HIPK2: variants seen among roughly 807,000 people sequenced by gnomAD.
The protein encoded by HIPK2 is homeodomain interacting protein kinase 2.
Under a neutral mutation model 113.7 loss-of-function variants are expected in HIPK2, and 27 were observed. That is an observed-to-expected ratio of 0.24 (90% CI 0.17 to 0.33). HIPK2 has a LOEUF of 0.33. Among genes scored for constraint, HIPK2 ranks in the 10% least tolerant of loss-of-function variants. HIPK2 has a pLI of 1.00. For missense variants in HIPK2, 1,257 were observed against 1,588.0 expected, an observed-to-expected ratio of 0.79 and a Z score of 3.54; for synonymous variants, 631 against 642.2, an observed-to-expected ratio of 0.98 and a Z score of 0.26.
intron 1 of HIPK2, among the ~76,000 whole-genome samples, chr7:139,731,860 T>C (rs1005477988): frequency 2.6e-5 from 4 of 152,216 alleles, no homozygotes; most frequent in African/African-American, 7.2e-5. Context: ...CCTTGGAGAA[T>C]TGTTTCATTC....
intron 10 of HIPK2, among the ~76,000 whole-genome samples, chr7:139,601,441 C>T (rs1203689341): frequency 6.6e-6 from 1 of 152,152 alleles, no homozygotes; most frequent in African/African-American, 2.4e-5. Flanking sequence ...GAGCCATATG[C>T]TTCTGGTGTT....
rs1796818389 is a variant in HIPK2 at position 139,777,866 on chromosome 7, G to GGGCTCGA, written c.-244_-243insTCGAGCC. 6.8e-6 allele frequency: 1 copy of GGGCTCGA among 146,994 alleles called. No homozygotes were observed. The highest frequency in any genetic ancestry group is 2.5e-5 in the African/African-American group (1 of 40,288). 9.1% of individuals were successfully genotyped at this position (146,994 alleles called of 1,614,324 possible). A position where few individuals can be genotyped will look rare whatever the true frequency, so the allele number is the denominator to read the frequency against. Reference sequence around the variant, plus strand: ...CCCGGCGCGGGGGGCTCGGGGCTCGGGGCTCGGGGCGGCCGGGCGGGCGGA... The same window carrying GGGCTCGA: ...CCCGGCGCGGGGGGCTCGGGGCTCGGGGCTCGAGGCTCGGGGCGGCCGGGCGGGCGGA... On this transcript the variant is annotated 5_prime_UTR_variant, in exon 1 of 15. Coordinates refer to ENST00000406875, the MANE Select transcript of HIPK2 (RefSeq NM_022740.5).
At chr7:139,637,502 C>G (rs1168275354) in intron 2 of HIPK2, among the ~76,000 whole-genome samples, 1 of 152,216 alleles carries the variant, frequency 6.6e-6, no homozygotes, top group African/African-American at 2.4e-5. Flanking sequence ...TCCCTGCTGG[C>G]TGTCACATGG....
chr7:139,773,121 T>C (rs1796680817), intron 1 of HIPK2, among the ~76,000 whole-genome samples: 2 of 152,118 alleles, frequency 1.3e-5, no homozygotes, highest in South Asian at 4.2e-4. Flanking sequence ...GCATAAATGT[T>C]TGCTGAATGA....
chr7:139,729,001 T>C lies in HIPK2; in HGVS notation c.20-11986A>G, dbSNP rs142212672. On this transcript the variant is annotated intron_variant, in intron 1 of 14. Transcript: ENST00000406875. ...TATAGGAATGTATCTCTCAATCTAC[T>C]GAGGAGCAACTGTAGTCACTTTGGT... Among the ~76,000 whole-genome samples the C allele has an allele frequency of 2.0e-5, 3 of 152,180 alleles. No homozygotes were observed. The East Asian group carries it at 5.8e-4, about 29-fold the overall frequency.
intron 9 of HIPK2, 124 bp from the exon 10 acceptor site, chr7:139,604,347 C>A: frequency 7.2e-7 from 1 of 1,388,862 alleles, no homozygotes; most frequent in Admixed American, 2.3e-5. Flanking sequence ...GAGTGAGGGC[C>A]TGGTCTCTGG....
At chr7:139,718,110 C>T (rs1011870658) in intron 1 of HIPK2, among the ~76,000 whole-genome samples, 4 of 152,036 alleles carry the variant, frequency 2.6e-5, no homozygotes, top group South Asian at 2.1e-4. Context: ...CCTATGAGAC[C>T]GTTATTCTGG....
chr7:139,579,341 T>C (rs1483749360), intron 13 of HIPK2, among the ~76,000 whole-genome samples: 2 of 152,192 alleles, frequency 1.3e-5, no homozygotes, highest in Non-Finnish European at 2.9e-5. Flanking sequence ...GGCCTGAGCA[T>C]CTTAGGTGAA....
At chr7:139,649,137 T>C (rs1396871845) in intron 2 of HIPK2, among the ~76,000 whole-genome samples, 1 of 152,054 alleles carries the variant, frequency 6.6e-6, no homozygotes, top group Non-Finnish European at 1.5e-5. Flanking sequence ...GCAGCCTCAT[T>C]TCTCAGTTCT....
chr7:139,620,503 C>G lies in HIPK2; in HGVS notation c.1680G>C (p.Thr560=), dbSNP rs368693856. The G allele has an allele frequency of 6.6e-5, 106 of 1,613,960 alleles. No individual in the cohort carries two copies. Among genetic ancestry groups the G allele is most frequent in the Non-Finnish European group, 8.6e-5 (102 of 1,180,038 alleles). ...TGAAAGGGGTTTTGCTCTGGTTCAC[C>G]GTGTCATACATATTCACCCGACGCT... ...ICKRRVNMYD[T]VNQSKTPFIT... Residue 560 remains threonine, a synonymous_variant, in exon 7 of 15, where the codon ACG becomes ACC. Coordinates refer to ENST00000406875, the MANE Select transcript of HIPK2 (RefSeq NM_022740.5).
intron 2 of HIPK2, among the ~76,000 whole-genome samples, chr7:139,646,427 G>A (rs1323901125): frequency 1.3e-5 from 2 of 151,454 alleles, no homozygotes; most frequent in Admixed American, 6.6e-5. Context: ...ATAAGCCTGG[G>A]AAGTCGAGGC....
intron 11 of HIPK2, among the ~76,000 whole-genome samples, chr7:139,597,215 C>T (rs866244720): frequency 1.3e-5 from 2 of 152,202 alleles, no homozygotes; most frequent in South Asian, 4.1e-4. Flanking sequence ...CATGCCTGCT[C>T]CCAGCAGGAC....
chr7:139,620,287 T>C, intron 7 of HIPK2, 114 bp downstream of exon 7: 1 of 1,413,038 alleles, frequency 7.1e-7, no homozygotes, highest in Non-Finnish European at 9.6e-7. Flanking sequence ...CTTTGTTTAG[T>C]TGTTGAACAT....
chr7:139,622,500 C>A (rs1569456646), intron 6 of HIPK2, among the ~76,000 whole-genome samples: 1 of 152,146 alleles, frequency 6.6e-6, no homozygotes, highest in African/African-American at 2.4e-5. Flanking sequence ...AATTTTCCAA[C>A]TGAAATATTT....
At chr7:139,759,347 C>T (rs572599938) in intron 1 of HIPK2, among the ~76,000 whole-genome samples, 20 of 152,276 alleles carry the variant, frequency 1.3e-4, no homozygotes, top group South Asian at 8.3e-4. Context: ...GAGTAGAATA[C>T]GGTATAAACC....
At chr7:139,757,449 C>G (rs1796380645) in intron 1 of HIPK2, among the ~76,000 whole-genome samples, 1 of 152,112 alleles carries the variant, frequency 6.6e-6, no homozygotes, top group Non-Finnish European at 1.5e-5. Context: ...AAGCCAGCCT[C>G]CTGCACTCAT....
intron 6 of HIPK2, among the ~76,000 whole-genome samples, chr7:139,624,018 C>T (rs189253402): frequency 5.2e-4 from 75 of 144,548 alleles, no homozygotes; most frequent in African/African-American, 1.8e-3. Flanking sequence ...CATCCACCAA[C>T]GGCTTCCTAT....
intron 7 of HIPK2, among the ~76,000 whole-genome samples, chr7:139,617,728 T>C (rs1035109029): frequency 3.3e-5 from 5 of 152,240 alleles, no homozygotes; most frequent in African/African-American, 9.6e-5. Context: ...AGATTCATGA[T>C]CATTTGGGAA....
At chr7:139,583,482 C>G (rs1425854587) in intron 13 of HIPK2, 1 of 230,636 alleles carries the variant, frequency 4.3e-6, no homozygotes, top group Non-Finnish European at 8.6e-6. Flanking sequence ...TAGATGTCAG[C>G]CAGGAACTCC....
Sources: allele counts gnomAD v4.1 joint callset (sites outside exome capture counted in the v4.1 genomes callset), GRCh38; gene constraint gnomAD v4.1.1; transcripts MANE v1.5; gene names NCBI Gene and HGNC (gene_info 2026-07-23, HGNC 2026-07-21).